Variants in SIPA1L1 observed in about 807,000 individuals in gnomAD.
The protein encoded by SIPA1L1 is signal-induced proliferation-associated 1-like protein 1.
Under a neutral mutation model 162.7 loss-of-function variants are expected in SIPA1L1, and 26 were observed. The observed-to-expected ratio is 0.16, with a 90% CI of 0.12 to 0.22. SIPA1L1 has a LOEUF of 0.22. SIPA1L1 is among the 10% of genes least tolerant of loss of function. The pLI, the probability that SIPA1L1 is intolerant of heterozygous loss-of-function variation, is 1.00. For synonymous variants in SIPA1L1, 829 were observed against 837.4 expected, an observed-to-expected ratio of 0.99 and a Z score of 0.17; for missense variants, 1,874 against 2,241.0, an observed-to-expected ratio of 0.84 and a Z score of 3.31.
intron 2 of SIPA1L1, among the ~76,000 whole-genome samples, chr14:71,445,506 A>G (rs2045274714): frequency 6.6e-6 from 1 of 152,024 alleles, no homozygotes; most frequent in Non-Finnish European, 1.5e-5. Flanking sequence ...GTCTGTACTA[A>G]TTTTAGTTTT....
intron 8 of SIPA1L1, among the ~76,000 whole-genome samples, chr14:71,651,593 T>C (rs1596654491): frequency 6.6e-6 from 1 of 152,224 alleles, no homozygotes; most frequent in East Asian, 1.9e-4. Flanking sequence ...TTTATCCAGC[T>C]ATTCTGATAT....
intron 21 of SIPA1L1, 82 bp downstream of exon 21, chr14:71,733,894 A>T: frequency 1.4e-6 from 2 of 1,411,484 alleles, no homozygotes; most frequent in South Asian, 2.7e-5. Flanking sequence ...TTCTCTGGAC[A>T]CACTCAAAAC....
intron 2 of SIPA1L1, among the ~76,000 whole-genome samples, chr14:71,454,019 A>T (rs1159207984): frequency 6.6e-6 from 1 of 150,778 alleles, no homozygotes; most frequent in African/African-American, 2.4e-5. Flanking sequence ...AAAAAAAAAA[A>T]AAAAAAGGAA....
chr14:71,627,774 C>A (rs1465696489), intron 7 of SIPA1L1, among the ~76,000 whole-genome samples: 1 of 152,144 alleles, frequency 6.6e-6, no homozygotes, highest in African/African-American at 2.4e-5. Flanking sequence ...TACAGAAATT[C>A]CCAGAGCTGT....
At chr14:71,524,228 G>A (rs1194108578) in intron 3 of SIPA1L1, among the ~76,000 whole-genome samples, 1 of 152,134 alleles carries the variant, frequency 6.6e-6, no homozygotes, top group Admixed American at 6.5e-5. Context: ...TCTCCTTTCT[G>A]TATTTGTTTT....
intron 17 of SIPA1L1, among the ~76,000 whole-genome samples, chr14:71,712,193 A>G (rs2150040591): frequency 6.6e-6 from 1 of 152,328 alleles, no homozygotes; most frequent in South Asian, 2.1e-4. Flanking sequence ...ACAGTGATTA[A>G]GTTTCACTGC....
chr14:71,463,906 G>A (rs919167368), intron 2 of SIPA1L1, among the ~76,000 whole-genome samples: 13 of 152,182 alleles, frequency 8.5e-5, no homozygotes, highest in African/African-American at 3.1e-4. Flanking sequence ...GCTGCCCATT[G>A]TGGTAGCTAT....
At chr14:71,329,359 A>G (rs974199806) in intron 2 of SIPA1L1, among the ~76,000 whole-genome samples, 11 of 150,572 alleles carry the variant, frequency 7.3e-5, no homozygotes, top group South Asian at 2.1e-4. Context: ...CCATTTTACA[A>G]TCTCATCAAC....
chr14:71,557,673 A>G (rs1197335828), intron 4 of SIPA1L1, among the ~76,000 whole-genome samples: 1 of 152,220 alleles, frequency 6.6e-6, no homozygotes, highest in African/African-American at 2.4e-5. Flanking sequence ...TAAACTAGTC[A>G]TGATTGACTC....
chr14:71,499,361 A>C (rs1051656988), intron 2 of SIPA1L1, among the ~76,000 whole-genome samples: 2 of 152,174 alleles, frequency 1.3e-5, no homozygotes, highest in Admixed American at 1.3e-4. Flanking sequence ...GTATATATCT[A>C]TACAGAGAGA....
At chr14:71,362,998 A>G (rs1020754740) in intron 2 of SIPA1L1, among the ~76,000 whole-genome samples, 4 of 152,228 alleles carry the variant, frequency 2.6e-5, no homozygotes, top group African/African-American at 9.6e-5. Flanking sequence ...TTAGAGAAGC[A>G]ATATGTAATG....
At chr14:71,649,028 A>G (rs942373379) in intron 7 of SIPA1L1, among the ~76,000 whole-genome samples, 6 of 152,186 alleles carry the variant, frequency 3.9e-5, no homozygotes, top group African/African-American at 1.4e-4. Flanking sequence ...AGTGCCTGGC[A>G]TATGATAGGT....
In SIPA1L1 at chr14:71,708,015, GTT is replaced by G. The variant is rs34838057; in HGVS notation, c.3766-1195_3766-1194del. Among the ~76,000 whole-genome samples, 141 of 100,284 alleles carry G rather than the reference GTT, an allele frequency of 1.4e-3. 1 individual carries two copies. The highest frequency in any genetic ancestry group is 0.011 in the East Asian group (36 of 3,416). The allele number at this position is 100,284 out of a possible 152,430, so 65.8% of individuals were successfully genotyped here. On this transcript the variant is annotated intron_variant, in intron 16 of 23. Transcript: ENST00000381232. ...GCTTGTTGGACATTTGTTTTTTGGTGTTTTTTTTTTTTTGTTTTTTTTTTTTT... is the reference window on the plus strand; with the variant it reads ...GCTTGTTGGACATTTGTTTTTTGGTGTTTTTTTTTTTGTTTTTTTTTTTTT...
intron 9 of SIPA1L1, 95 bp downstream of exon 9, chr14:71,658,531 G>A (rs2043252861): frequency 3.8e-6 from 3 of 794,324 alleles, no homozygotes; most frequent in East Asian, 5.2e-5. Flanking sequence ...CCAGAATTTA[G>A]TGTTGCACCT....
chr14:71,454,511 G>A (rs1004071227), intron 2 of SIPA1L1, among the ~76,000 whole-genome samples: 1 of 152,062 alleles, frequency 6.6e-6, no homozygotes, highest in African/African-American at 2.4e-5. Flanking sequence ...CTAATTAAAG[G>A]TACAAATATC....
intron 2 of SIPA1L1, among the ~76,000 whole-genome samples, chr14:71,356,582 A>AAAAAAAAAAAAAAAAAAG (rs1278998845): frequency 6.9e-6 from 1 of 145,314 alleles, no homozygotes; most frequent in Non-Finnish European, 1.5e-5. Flanking sequence ...AAAAAAAAAA[A>AAAAAAAAAAAAAAAAAAG]AAAAAGCACA....
chr14:71,677,238 T>C (rs982225737), intron 12 of SIPA1L1, among the ~76,000 whole-genome samples: 1 of 152,250 alleles, frequency 6.6e-6, no homozygotes, highest in Non-Finnish European at 1.5e-5. Context: ...TGATGAGCAT[T>C]TTTTCATGTG....
chr14:71,324,341 AG>A (rs2033528945), intron 2 of SIPA1L1, among the ~76,000 whole-genome samples: 2 of 152,230 alleles, frequency 1.3e-5, no homozygotes, highest in South Asian at 4.1e-4. Flanking sequence ...GTTAATGACT[AG>A]GCAGTGATTG....
intron 2 of SIPA1L1, among the ~76,000 whole-genome samples, chr14:71,409,792 T>C (rs192966376): frequency 6.6e-6 from 1 of 152,236 alleles, no homozygotes; most frequent in African/African-American, 2.4e-5. Context: ...AAAAGTGTTA[T>C]CTGTAGTGTT....
Sources: gnomAD v4.1 joint callset for allele counts (sites outside exome capture counted in the v4.1 genomes callset) on GRCh38, gnomAD v4.1.1 for gene constraint, MANE v1.5 for transcripts, NCBI Gene and HGNC (gene_info 2026-07-23, HGNC 2026-07-21) for gene names.